DOCK2: variants seen among roughly 807,000 people sequenced by gnomAD.
DOCK2 encodes the protein dedicator of cytokinesis 2, also known as dedicator of cytokinesis protein 2.
A neutral mutation model predicts 248.9 loss-of-function variants in DOCK2; 87 were observed. The observed-to-expected ratio is 0.35, with a 90% CI of 0.29 to 0.42. The LOEUF is 0.42. DOCK2 is among the 10% of genes least tolerant of loss of function. The pLI is 1.00. For missense variants in DOCK2, 1,747 were observed against 2,300.2 expected (o/e 0.76, Z 4.92); for synonymous variants, 805 against 821.6 (o/e 0.98, Z 0.35).
intron 6 of DOCK2, among the ~76,000 whole-genome samples, chr5:169,677,422 A>G (rs1222141382): frequency 6.6e-6 from 1 of 152,156 alleles, no homozygotes; most frequent in Non-Finnish European, 1.5e-5. Flanking sequence ...CCAGTAGTTC[A>G]CCTTTTGATG....
At chr5:169,814,218 G>A (rs1581230197) in intron 26 of DOCK2, among the ~76,000 whole-genome samples, 1 of 152,186 alleles carries the variant, frequency 6.6e-6, no homozygotes, top group Non-Finnish European at 1.5e-5. Flanking sequence ...ACCACCAGCA[G>A]GGAAACATAC....
At chr5:169,934,821 GTAGTGTCATCTGCAAA>G in intron 27 of DOCK2, 1 of 429,234 alleles carries the variant, frequency 2.3e-6, no homozygotes. Context: ...TAAATTGATT[GTAGTGTCATCTGCAAA>G]TAGGTAAATA....
chr5:169,848,236 G>A (rs1457221027), intron 27 of DOCK2, among the ~76,000 whole-genome samples: 2 of 152,186 alleles, frequency 1.3e-5, no homozygotes, highest in East Asian at 3.8e-4. Flanking sequence ...CACACAGGTA[G>A]GCAATATTGC....
chr5:169,704,783 GTGTGTGTGTGTGTGTGTGTGTGTA>G (rs1390103018), intron 14 of DOCK2, among the ~76,000 whole-genome samples: 37 of 145,540 alleles, frequency 2.5e-4, no homozygotes, highest in African/African-American at 9.1e-4. Context: ...GTGTGTGTGT[GTGTGTGTGTGTGTGTGTGTGTGTA>G]TGTGTATGCA....
At position 170,082,087 on chromosome 5, in the gene DOCK2, C is replaced by T; in HGVS notation, c.5430+103C>T. The T allele has an allele frequency of 2.7e-6, 4 of 1,487,854 alleles. No homozygotes were observed. In the South Asian group the frequency reaches 5.2e-5, roughly 19 times the overall value. 92.2% of individuals were successfully genotyped at this position (1,487,854 alleles called of 1,614,324 possible). A position where few individuals can be genotyped will look rare whatever the true frequency, so the allele number is the denominator to read the frequency against. ...GGGGGGTTGTGTGTGCATATGTGGT[C>T]ATTCCTAGGGAGGCATAGTCAGGAG... On this transcript the variant is annotated intron_variant, in intron 51 of 51. Coordinates refer to ENST00000520908, the MANE Select transcript of DOCK2 (RefSeq NM_004946.3).
intron 27 of DOCK2, chr5:169,883,924 C>T: frequency 6.8e-7 from 1 of 1,462,130 alleles, no homozygotes; most frequent in Non-Finnish European, 9.1e-7. Context: ...AGGATCAGGA[C>T]CATACACTTC....
intron 11 of DOCK2, 49 bp from the exon 12 acceptor site, chr5:169,699,333 C>T (rs201554698): frequency 1.5e-4 from 239 of 1,578,900 alleles, no homozygotes; most frequent in East Asian, 4.3e-4. Flanking sequence ...CCCCTTGAAA[C>T]GCAAGGAGGA....
rs1473582709 is a variant in DOCK2, at chr5:170,077,767, CA to C, written c.4925del (p.Gln1642ArgfsTer10). ...RPRSMLRSYR[Q>X]MSIISLASMN... Reference sequence around the variant, plus strand: ...CAGGTCTATGCTGCGCTCATACAGACAGATGTCCATCATCTCTCTGGCTTCC... The same window carrying C: ...CAGGTCTATGCTGCGCTCATACAGACGATGTCCATCATCTCTCTGGCTTCC... On this transcript the variant is annotated frameshift_variant, in exon 48 of 52. Coordinates refer to ENST00000520908, the MANE Select transcript of DOCK2 (RefSeq NM_004946.3). LOFTEE classifies it high-confidence loss of function. 1 of 1,613,956 alleles carries C rather than the reference CA, an allele frequency of 6.2e-7. No individual in the cohort carries two copies. Among genetic ancestry groups the C allele is most frequent in the East Asian group, 2.2e-5 (1 of 44,872 alleles).
intron 25 of DOCK2, among the ~76,000 whole-genome samples, chr5:169,795,494 A>G (rs1766595338): frequency 1.3e-5 from 2 of 152,118 alleles, no homozygotes; most frequent in Non-Finnish European, 2.9e-5. Context: ...CAAGTGACTC[A>G]TGGGGAGCTG....
At chr5:170,078,950 T>G in intron 48 of DOCK2, 25 bp from the exon 49 acceptor site, 1 of 1,612,476 alleles carries the variant, frequency 6.2e-7, no homozygotes, top group Non-Finnish European at 8.5e-7. Flanking sequence ...CTGCAGTTTC[T>G]ATTGCTGCCC....
chr5:169,669,178 G>A lies in DOCK2; in HGVS notation c.128-110G>A, dbSNP rs555314644. The stretch of plus-strand genomic sequence containing the variant: ...GTTTGATCTGTACCCAAGGTCTAAA[G>A]CAATTTGCAGTAGTTTTACTAGTTT... On this transcript the variant is annotated intron_variant, in intron 2 of 51. Coordinates refer to ENST00000520908, the MANE Select transcript of DOCK2 (RefSeq NM_004946.3). The A allele has an allele frequency of 2.6e-4, 355 of 1,340,108 alleles. 1 individual carries two copies. The highest frequency in any genetic ancestry group is 8.4e-6 in the Non-Finnish European group (8 of 946,986). 83.0% of individuals were successfully genotyped at this position (1,340,108 alleles called of 1,614,324 possible). A position where few individuals can be genotyped will look rare whatever the true frequency, so the allele number is the denominator to read the frequency against.
intron 27 of DOCK2, among the ~76,000 whole-genome samples, chr5:169,925,579 TAAAAAAAAAAAA>T (rs34833916): frequency 2.5e-5 from 2 of 80,288 alleles, no homozygotes; most frequent in East Asian, 3.4e-4. Context: ...GACTCTGTCT[TAAAAAAAAAAAA>T]AAAAAAAAAA....
At chr5:169,692,553 G>A (rs570771945) in intron 9 of DOCK2, among the ~76,000 whole-genome samples, 25 of 149,794 alleles carry the variant, frequency 1.7e-4, no homozygotes, top group Non-Finnish European at 2.4e-4. Context: ...GGCGCTGTCC[G>A]ATGAGACAGC....
intron 3 of DOCK2, among the ~76,000 whole-genome samples, chr5:169,669,922 G>A (rs1011839346): frequency 5.3e-5 from 8 of 152,194 alleles, no homozygotes; most frequent in African/African-American, 1.9e-4. Flanking sequence ...TGAGCCAAAT[G>A]TATGGAGTAA....
At chr5:169,823,337 A>G (rs1209301681) in intron 26 of DOCK2, among the ~76,000 whole-genome samples, 1 of 152,200 alleles carries the variant, frequency 6.6e-6, no homozygotes, top group Admixed American at 6.5e-5. Context: ...TTTTAAACCA[A>G]TATCCCTGAT....
intron 26 of DOCK2, among the ~76,000 whole-genome samples, chr5:169,827,815 G>A (rs776056751): frequency 5.3e-5 from 8 of 152,114 alleles, no homozygotes; most frequent in Non-Finnish European, 1.2e-4. Context: ...TTAGAAATGT[G>A]ATAGAACTTT....
chr5:169,834,144 A>G (rs1769413000), intron 26 of DOCK2, among the ~76,000 whole-genome samples: 1 of 140,356 alleles, frequency 7.1e-6, no homozygotes. Context: ...AAATGTCCCA[A>G]CCAGGTCACC....
At chr5:169,789,258 A>T (rs1766179191) in intron 25 of DOCK2, among the ~76,000 whole-genome samples, 1 of 152,182 alleles carries the variant, frequency 6.6e-6, no homozygotes, top group Non-Finnish European at 1.5e-5. Context: ...TCTTTTATTA[A>T]TAGGCATTTA....
chr5:170,080,195 C>T lies in DOCK2; in HGVS notation c.5199C>T (p.Thr1733=). ...GGAAGCATGAGTTCATGAGTGACAC[C>T]AACCTCTCGGAGCATGCGGCCATCC... ...LSRKHEFMSD[T]NLSEHAAIPL... The change falls in exon 50 of 52, where the codon ACC becomes ACT. Residue 1733 remains threonine, a synonymous_variant. Transcript: ENST00000520908. 1.2e-6 allele frequency: 2 copies of T among 1,614,040 alleles called. No homozygotes were observed. The highest frequency in any genetic ancestry group is 1.3e-5 in the African/African-American group (1 of 74,966).
Sources: allele counts gnomAD v4.1 joint callset (sites outside exome capture counted in the v4.1 genomes callset), GRCh38; gene constraint gnomAD v4.1.1; transcripts MANE v1.5; gene names NCBI Gene and HGNC (gene_info 2026-07-23, HGNC 2026-07-21).